OSBPL6: variants seen among roughly 807,000 people sequenced by gnomAD.
OSBPL6 encodes the protein oxysterol-binding protein-related protein 6.
Under a neutral mutation model 125.8 loss-of-function variants are expected in OSBPL6, and 49 were observed. The ratio of observed to expected loss-of-function variants is 0.39; its 90% CI spans 0.31 to 0.49. The LOEUF (loss-of-function observed/expected upper bound fraction) is 0.49. Among genes scored for constraint, OSBPL6 ranks in the 20% least tolerant of loss-of-function variants. OSBPL6 has a pLI of 0.88. For missense variants in OSBPL6, 986 were observed against 1,135.4 expected, an observed-to-expected ratio of 0.87 and a Z score of 1.89; for synonymous variants, 394 against 391.8, an observed-to-expected ratio of 1.01 and a Z score of -0.07.
intron 11 of OSBPL6, among the ~76,000 whole-genome samples, chr2:178,346,553 A>T (rs1443147372): frequency 6.6e-6 from 1 of 152,178 alleles, no homozygotes; most frequent in Non-Finnish European, 1.5e-5. Flanking sequence ...CCCTCCTTTC[A>T]CAGGACTTCA....
Position 178,348,555 on chromosome 2 carries a change from T to C in OSBPL6, c.988-669T>C, listed in dbSNP as rs575144126. On this transcript the variant is annotated intron_variant, in intron 11 of 24. Transcript: ENST00000190611. ...TCTATAGTAATATGACTTTTTCTAC[T>C]TACTGCTTCTCAGTATTGGCTGGTT... Among the ~76,000 whole-genome samples the C allele has an allele frequency of 4.6e-5, 7 of 152,354 alleles. No individual in the cohort carries two copies. The East Asian group carries it at 1.3e-3, about 29-fold the overall frequency.
chr2:178,314,892 A>G (rs1006849313), intron 3 of OSBPL6, among the ~76,000 whole-genome samples: 1 of 152,168 alleles, frequency 6.6e-6, no homozygotes, highest in African/African-American at 2.4e-5. Context: ...GCCAAGCTGG[A>G]TGTCCAGGCC....
At chr2:178,373,436 G>C (rs764807476) in intron 14 of OSBPL6, among the ~76,000 whole-genome samples, 1 of 151,988 alleles carries the variant, frequency 6.6e-6, no homozygotes, top group South Asian at 2.1e-4. Context: ...GTGTTTTATT[G>C]GTTAAAATTC....
chr2:178,259,306 G>T (rs945116464), intron 1 of OSBPL6, among the ~76,000 whole-genome samples: 7 of 152,082 alleles, frequency 4.6e-5, no homozygotes, highest in Non-Finnish European at 8.8e-5. Flanking sequence ...ATCAAATTCC[G>T]TTTGAGATTG....
intron 1 of OSBPL6, among the ~76,000 whole-genome samples, chr2:178,200,930 G>C (rs1447262364): frequency 6.6e-6 from 1 of 151,910 alleles, no homozygotes; most frequent in Admixed American, 6.6e-5. Flanking sequence ...CGAGTAGCTG[G>C]ATTACAGGCG....
intron 5 of OSBPL6, among the ~76,000 whole-genome samples, chr2:178,328,713 C>G (rs1181014906): frequency 6.6e-6 from 1 of 152,094 alleles, no homozygotes; most frequent in African/African-American, 2.4e-5. Context: ...GTCTTGAACT[C>G]ACAGCCCCAA....
At chr2:178,235,304 T>TTATTTG (rs2091000872) in intron 1 of OSBPL6, among the ~76,000 whole-genome samples, 1 of 151,892 alleles carries the variant, frequency 6.6e-6, no homozygotes, top group Non-Finnish European at 1.5e-5. Context: ...TTTTGTGGTC[T>TTATTTG]TATTTGTATC....
At chr2:178,370,787 A>G (rs1693311211) in intron 13 of OSBPL6, among the ~76,000 whole-genome samples, 1 of 152,150 alleles carries the variant, frequency 6.6e-6, no homozygotes, top group Non-Finnish European at 1.5e-5. Flanking sequence ...GATTTGACAT[A>G]TTTTACAAAC....
chr2:178,231,387 A>G (rs1036178578), intron 1 of OSBPL6, among the ~76,000 whole-genome samples: 1 of 152,156 alleles, frequency 6.6e-6, no homozygotes, highest in Non-Finnish European at 1.5e-5. Context: ...GCCTAGTCCC[A>G]GGTAGTATAT....
intron 1 of OSBPL6, among the ~76,000 whole-genome samples, chr2:178,241,178 TA>T (rs35385300): frequency 0.32 from 47,903 of 150,886 alleles, 7,902 homozygotes; most frequent in African/African-American, 0.4. Flanking sequence ...ATAGCACAGA[TA>T]TTTTTTTTTT....
intron 1 of OSBPL6, among the ~76,000 whole-genome samples, chr2:178,249,128 C>T (rs2091595690): frequency 6.6e-6 from 1 of 152,092 alleles, no homozygotes; most frequent in Non-Finnish European, 1.5e-5. Context: ...TTAGCAGAGA[C>T]TGGGTTTCAC....
chr2:178,267,704 GA>G (rs1403041706), intron 1 of OSBPL6, among the ~76,000 whole-genome samples: 1 of 151,722 alleles, frequency 6.6e-6, no homozygotes, highest in East Asian at 1.9e-4. Context: ...CTGTGTATAA[GA>G]TACTGCACTA....
At chr2:178,358,378 A>G (rs900103071) in intron 12 of OSBPL6, among the ~76,000 whole-genome samples, 6 of 152,222 alleles carry the variant, frequency 3.9e-5, no homozygotes, top group Non-Finnish European at 2.9e-5. Flanking sequence ...TCAAAATAGT[A>G]TGGTATTGGC....
chr2:178,332,958 A>C lies in OSBPL6; in HGVS notation c.574A>C (p.Arg192=). 6.2e-7 allele frequency: 1 copy of C among 1,614,154 alleles called. No homozygotes were observed. Among genetic ancestry groups the C allele is most frequent in the Admixed American group, 1.7e-5 (1 of 60,022 alleles). Residue 192 remains arginine, a synonymous_variant, in exon 8 of 25, where the codon AGA becomes CGA. Coordinates refer to ENST00000190611, the MANE Select transcript of OSBPL6 (RefSeq NM_032523.4). ...TCAGAATGAAATTGTGAGATCACCA[A>C]GAGATGCTAGTTTTCACATATTTCC... ...YRQNEIVRSP[R]DASFHIFPST...
intron 1 of OSBPL6, among the ~76,000 whole-genome samples, chr2:178,269,751 C>A (rs192050960): frequency 7.7e-4 from 118 of 152,300 alleles, no homozygotes; most frequent in Non-Finnish European, 1.3e-3. Flanking sequence ...CTGCCACATG[C>A]TCAGGGCCAG....
At chr2:178,243,270 A>G (rs1007700359) in intron 1 of OSBPL6, among the ~76,000 whole-genome samples, 1 of 152,204 alleles carries the variant, frequency 6.6e-6, no homozygotes, top group Admixed American at 6.5e-5. Context: ...AAGGTAGGAC[A>G]GTTTTAGTTC....
chr2:178,377,986 G>A (rs545794393), intron 15 of OSBPL6, among the ~76,000 whole-genome samples: 6 of 152,138 alleles, frequency 3.9e-5, no homozygotes, highest in Admixed American at 6.5e-5. Context: ...GCACCACCAC[G>A]CCTGGCTAAT....
chr2:178,282,288 G>T (rs565811004), intron 1 of OSBPL6, among the ~76,000 whole-genome samples: 2 of 152,206 alleles, frequency 1.3e-5, no homozygotes, highest in Admixed American at 6.5e-5. Context: ...TATGTGATGC[G>T]ATGGGAGAGG....
At chr2:178,213,921 G>A (rs999479445) in intron 1 of OSBPL6, among the ~76,000 whole-genome samples, 1 of 151,984 alleles carries the variant, frequency 6.6e-6, no homozygotes, top group Non-Finnish European at 1.5e-5. Flanking sequence ...GTCATTCCTC[G>A]GTGGCATTTC....
Sources: allele counts gnomAD v4.1 joint callset (sites outside exome capture counted in the v4.1 genomes callset), GRCh38; gene constraint gnomAD v4.1.1; transcripts MANE v1.5; gene names NCBI Gene and HGNC (gene_info 2026-07-23, HGNC 2026-07-21).